Variants in CNGB3 observed in about 807,000 individuals in gnomAD.
The protein encoded by CNGB3 is cyclic nucleotide-gated channel beta-3.
Under a neutral mutation model 92.8 loss-of-function variants are expected in CNGB3, and 86 were observed. The observed-to-expected ratio is 0.93, with a 90% CI of 0.78 to 1.11. CNGB3 has a LOEUF of 1.11. Ranked by LOEUF, CNGB3 falls within the 50% of genes least tolerant of loss-of-function variation. The pLI, the probability that CNGB3 is intolerant of heterozygous loss-of-function variation, is 0.00. For missense variants in CNGB3, 1,026 were observed against 956.8 expected (o/e 1.07, Z -0.95); for synonymous variants, 333 against 332.7 (o/e 1.00, Z -0.01).
At position 86,694,674 on chromosome 8, in the gene CNGB3, A is replaced by G. The variant is rs543514886; in HGVS notation, c.339-23576T>C. On this transcript the variant is annotated intron_variant, in intron 3 of 17. Transcript: ENST00000320005. Reference sequence around the variant, plus strand: ...CACATCCCAGATGGGGCGGCGGGGTAGAGGCGCTCCCCACATCTCAGACGA... The same window carrying G: ...CACATCCCAGATGGGGCGGCGGGGTGGAGGCGCTCCCCACATCTCAGACGA... 4.1e-5 allele frequency among the ~76,000 whole-genome samples: 6 copies of G among 144,810 alleles called. No homozygotes were observed. In the South Asian group the frequency reaches 1.1e-3, roughly 27 times the overall value.
chr8:86,713,031 A>C (rs1396173002), intron 3 of CNGB3, among the ~76,000 whole-genome samples: 3 of 152,178 alleles, frequency 2.0e-5, no homozygotes, highest in African/African-American at 7.2e-5. Flanking sequence ...AGTACCTGAT[A>C]GAATATGTAT....
chr8:86,730,359 G>C (rs1351232281), intron 2 of CNGB3, among the ~76,000 whole-genome samples: 3 of 152,222 alleles, frequency 2.0e-5, no homozygotes, highest in Non-Finnish European at 4.4e-5. Flanking sequence ...AAGACACTCA[G>C]TTGGCTTGTT....
At chr8:86,730,385 A>T (rs1825138144) in intron 2 of CNGB3, among the ~76,000 whole-genome samples, 1 of 152,206 alleles carries the variant, frequency 6.6e-6, no homozygotes, top group Admixed American at 6.5e-5. Context: ...TGGATATGAA[A>T]AGCACAAGAC....
chr8:86,643,221 A>G (rs1329401450), intron 10 of CNGB3, among the ~76,000 whole-genome samples: 3 of 151,494 alleles, frequency 2.0e-5, no homozygotes, highest in African/African-American at 2.4e-5. Context: ...CAGCTTAAAA[A>G]TTTTTATTTA....
intron 3 of CNGB3, among the ~76,000 whole-genome samples, chr8:86,692,938 C>T (rs1824349325): frequency 6.6e-6 from 1 of 152,062 alleles, no homozygotes; most frequent in Non-Finnish European, 1.5e-5. Flanking sequence ...GGTGAATTCT[C>T]TCAGGATTTG....
chr8:86,742,744 C>T (rs968802944), intron 1 of CNGB3, among the ~76,000 whole-genome samples: 6 of 152,124 alleles, frequency 3.9e-5, no homozygotes, highest in Admixed American at 6.5e-5. Flanking sequence ...CACAGAAACA[C>T]AAATTCTTAT....
At chr8:86,679,585 G>T (rs1290203264) in intron 3 of CNGB3, among the ~76,000 whole-genome samples, 1 of 151,756 alleles carries the variant, frequency 6.6e-6, no homozygotes, top group Non-Finnish European at 1.5e-5. Context: ...GAGTGCAGTG[G>T]CACAATCTTG....
chr8:86,701,665 T>C (rs1824559307), intron 3 of CNGB3, among the ~76,000 whole-genome samples: 1 of 152,202 alleles, frequency 6.6e-6, no homozygotes, highest in East Asian at 1.9e-4. Context: ...AACAGTGCAA[T>C]AATATATTTA....
intron 3 of CNGB3, among the ~76,000 whole-genome samples, chr8:86,715,761 TA>T (rs1402961207): frequency 1.5e-5 from 2 of 130,238 alleles, no homozygotes; most frequent in East Asian, 4.6e-4. Context: ...ATATAGGATA[TA>T]AAAGGAAAAC....
rs558621686 is a variant in CNGB3, at chr8:86,742,388, T to C, written c.129+1111A>G. Among the ~76,000 whole-genome samples, 15 of 152,338 alleles carry C rather than the reference T, an allele frequency of 9.8e-5. No homozygotes were observed. In the South Asian group the frequency reaches 2.9e-3, roughly 29 times the overall value. ...AGTCAAGGGCACTCTCTCGAAGCAA[T>C]ACTAACACAGTCCTCCTCATCTCCT... is the stretch of plus-strand genomic sequence containing the variant. On this transcript the variant is annotated intron_variant, in intron 1 of 17. Coordinates refer to ENST00000320005, the MANE Select transcript of CNGB3 (RefSeq NM_019098.5).
chr8:86,662,244 T>G (rs1823656285), intron 6 of CNGB3, among the ~76,000 whole-genome samples: 1 of 152,184 alleles, frequency 6.6e-6, no homozygotes, highest in Non-Finnish European at 1.5e-5. Context: ...TAATATTACC[T>G]GAAACAATTA....
chr8:86,687,002 A>G (rs890640489), intron 3 of CNGB3, among the ~76,000 whole-genome samples: 4 of 152,208 alleles, frequency 2.6e-5, no homozygotes, highest in African/African-American at 9.6e-5. Flanking sequence ...AAGCTTTATT[A>G]GCTTCATAGT....
At chr8:86,622,329 A>C (rs374926592) in intron 13 of CNGB3, among the ~76,000 whole-genome samples, 2 of 148,236 alleles carry the variant, frequency 1.3e-5, no homozygotes, top group African/African-American at 5.0e-5. Flanking sequence ...TTTTCTCACA[A>C]CTAAACATCC....
intron 3 of CNGB3, among the ~76,000 whole-genome samples, chr8:86,710,629 A>G (rs1824732675): frequency 6.6e-6 from 1 of 152,242 alleles, no homozygotes; most frequent in African/African-American, 2.4e-5. Flanking sequence ...TTAGACTACT[A>G]CGAATGAATT....
intron 15 of CNGB3, among the ~76,000 whole-genome samples, chr8:86,603,102 C>T (rs1417689406): frequency 6.6e-6 from 1 of 152,150 alleles, no homozygotes; most frequent in Non-Finnish European, 1.5e-5. Context: ...TATTATCTCC[C>T]TAGAGAGGTC....
chr8:86,625,287 T>C (rs1293730415), intron 13 of CNGB3, among the ~76,000 whole-genome samples: 1 of 152,200 alleles, frequency 6.6e-6, no homozygotes, highest in African/African-American at 2.4e-5. Flanking sequence ...GTATTTGTTT[T>C]CAGCTATTAT....
intron 6 of CNGB3, among the ~76,000 whole-genome samples, chr8:86,663,591 A>T (rs1159193188): frequency 6.6e-6 from 1 of 152,240 alleles, no homozygotes; most frequent in African/African-American, 2.4e-5. Flanking sequence ...AAGTAGATGT[A>T]TCTACCTAGC....
intron 15 of CNGB3, among the ~76,000 whole-genome samples, chr8:86,590,276 G>T (rs1422793422): frequency 6.6e-6 from 1 of 152,000 alleles, no homozygotes; most frequent in South Asian, 2.1e-4. Flanking sequence ...ACACTGATGG[G>T]TCTTGACTCT....
intron 3 of CNGB3, among the ~76,000 whole-genome samples, chr8:86,673,801 G>A (rs1174333635): frequency 6.6e-6 from 1 of 151,818 alleles, no homozygotes; most frequent in Non-Finnish European, 1.5e-5. Flanking sequence ...AATTTTTTGT[G>A]TGTGTATCTT....
Sources: allele counts gnomAD v4.1 joint callset (sites outside exome capture counted in the v4.1 genomes callset), GRCh38; gene constraint gnomAD v4.1.1; transcripts MANE v1.5; gene names NCBI Gene and HGNC (gene_info 2026-07-23, HGNC 2026-07-21).